The following TUSC3 variants were observed in gnomAD, a reference collection of about 807,000 sequenced individuals.
TUSC3 encodes dolichyl-diphosphooligosaccharide--protein glycosyltransferase subunit TUSC3.
TUSC3 carries 45 observed loss-of-function variants against 44.8 expected under a neutral mutation model. The observed-to-expected ratio is 1.00, with a 90% CI of 0.79 to 1.29. The LOEUF (loss-of-function observed/expected upper bound fraction) is 1.29, where lower values mean the gene tolerates loss of function less well. TUSC3 is among the 50% of genes most tolerant of loss of function. TUSC3 has a pLI of 0.00. For missense variants in TUSC3, 519 were observed against 437.9 expected, an observed-to-expected ratio of 1.19 and a Z score of -1.65; for synonymous variants, 212 against 152.9, an observed-to-expected ratio of 1.39 and a Z score of -2.85.
intron 1 of TUSC3, among the ~76,000 whole-genome samples, chr8:15,554,704 A>G (rs1168734054): frequency 6.9e-6 from 1 of 145,820 alleles, no homozygotes; most frequent in African/African-American, 2.5e-5. Flanking sequence ...CCAGGTTCAC[A>G]CCATTCTCCT....
chr8:15,790,249 G>C, the TUSC3 span, among the ~76,000 whole-genome samples: 1 of 140,360 alleles, frequency 7.1e-6, no homozygotes. Context: ...GCAGTGGCGT[G>C]ATTTTGGCTC....
rs76847697 is a variant in TUSC3, at chr8:15,640,326, G to T, written c.309-10371G>T. Among the ~76,000 whole-genome samples, 869 of 152,290 alleles carry T rather than the reference G, an allele frequency of 5.7e-3. 9 individuals carry two copies. Among genetic ancestry groups the T allele is most frequent in the African/African-American group, 0.02 (811 of 41,560 alleles). Reference sequence around the variant, plus strand: ...TTGGAAACTTATCTGGTTCACTTCAGACTGCACCGTGTGCCTTTTCCCTCT... The same window carrying T: ...TTGGAAACTTATCTGGTTCACTTCATACTGCACCGTGTGCCTTTTCCCTCT... On this transcript the variant is annotated intron_variant, in intron 2 of 10. Coordinates refer to ENST00000503731, the MANE Select transcript of TUSC3 (RefSeq NM_006765.4).
the TUSC3 span, among the ~76,000 whole-genome samples, chr8:15,788,276 T>A: frequency 6.6e-6 from 1 of 151,832 alleles, no homozygotes; most frequent in African/African-American, 2.4e-5. Context: ...TATTTAAGAG[T>A]TAAATTTTAT....
rs1800520673 is a variant in TUSC3 at position 15,473,271 on chromosome 8, A to G, written n.92-10115A>G. Among the ~76,000 whole-genome samples the G allele has an allele frequency of 4.6e-5, 7 of 152,340 alleles. No homozygotes were observed. In the South Asian group the frequency reaches 1.4e-3, roughly 32 times the overall value. On this transcript the variant is annotated intron_variant and non_coding_transcript_variant, in intron 1 of 5. Coordinates refer to the TUSC3 transcript ENST00000503191. ...TGGTAAATAATTAAAGTATTATATG[A>G]TTATTATAAGGGGTACAACCTTGTG...
intron 9 of TUSC3, among the ~76,000 whole-genome samples, chr8:15,754,873 G>T (rs1292101819): frequency 6.6e-6 from 1 of 151,792 alleles, no homozygotes; most frequent in African/African-American, 2.4e-5. Flanking sequence ...AAGTGATCCT[G>T]TTCGGCTTAT....
intron 2 of TUSC3, among the ~76,000 whole-genome samples, chr8:15,627,516 A>G (rs562296312): frequency 3.3e-5 from 5 of 152,356 alleles, no homozygotes; most frequent in African/African-American, 1.2e-4. Context: ...GGGCTGGAAC[A>G]TGCCCCTCGC....
At chr8:15,471,611 C>T (rs920917010) in intron 1 of TUSC3, among the ~76,000 whole-genome samples, 1 of 149,646 alleles carries the variant, frequency 6.7e-6, no homozygotes, top group Middle Eastern at 3.3e-3. Flanking sequence ...AATTTCTTTC[C>T]AGTTCTGATT....
At position 15,735,870 on chromosome 8, in the gene TUSC3, G is replaced by GA. The variant is rs1191188594; in HGVS notation, c.862+5141_862+5142insA. ...GCACGCTGCCACACCCGGCTAATGG[G>GA]TTTTTTTTTTTTGTTTTTTTGGTTT... On this transcript the variant is annotated intron_variant, in intron 7 of 10. Transcript: ENST00000503731. Among the ~76,000 whole-genome samples the GA allele has an allele frequency of 5.9e-3, 236 of 40,232 alleles. 2 individuals carry two copies. Among genetic ancestry groups the GA allele is most frequent in the Non-Finnish European group, 0.012 (191 of 15,632 alleles). 26.4% of individuals were successfully genotyped at this position (40,232 alleles called of 152,430 possible).
At chr8:15,823,382 C>T in the TUSC3 span, among the ~76,000 whole-genome samples, 1 of 152,290 alleles carries the variant, frequency 6.6e-6, no homozygotes, top group Non-Finnish European at 1.5e-5. Context: ...TCAAAACTCA[C>T]ACTCATCTTT....
At chr8:15,762,680 G>C (rs1044574843) in intron 10 of TUSC3, among the ~76,000 whole-genome samples, 1 of 152,060 alleles carries the variant, frequency 6.6e-6, no homozygotes, top group African/African-American at 2.4e-5. Flanking sequence ...TTATGATTAA[G>C]GTTTCTTTTT....
At chr8:15,471,089 C>T (rs1433977360) in intron 1 of TUSC3, among the ~76,000 whole-genome samples, 1 of 151,492 alleles carries the variant, frequency 6.6e-6, no homozygotes. Context: ...TTGTAATTAC[C>T]TGTTTACTAA....
chr8:15,449,555 G>T (rs907351312), intron 1 of TUSC3, among the ~76,000 whole-genome samples: 5 of 152,098 alleles, frequency 3.3e-5, no homozygotes, highest in Admixed American at 6.5e-5. Context: ...GAGGACTTTT[G>T]AAACTGCTGG....
Position 15,475,862 on chromosome 8 carries a change from T to TAGATTA in TUSC3, n.92-7519_92-7518insAAGATT, listed in dbSNP as rs561364967. Among the ~76,000 whole-genome samples, 27 of 152,284 alleles carry TAGATTA rather than the reference T, an allele frequency of 1.8e-4. No individual in the cohort carries two copies. The East Asian group carries it at 2.7e-3, about 15-fold the overall frequency. ...AGTTGCACTAATTCTCTTCCTCTGA[T>TAGATTA]AGATTTAAGTGATTCCAGAATATAT... On this transcript the variant is annotated intron_variant and non_coding_transcript_variant, in intron 1 of 5. Coordinates refer to the TUSC3 transcript ENST00000503191.
intron 1 of TUSC3, among the ~76,000 whole-genome samples, chr8:15,618,430 A>T (rs191261029): frequency 7.9e-5 from 12 of 152,078 alleles, no homozygotes; most frequent in Non-Finnish European, 1.6e-4. Flanking sequence ...AGAAGTTTTT[A>T]TACTTTATTG....
chr8:15,443,524 A>T (rs1386147818), intron 1 of TUSC3, among the ~76,000 whole-genome samples: 1 of 152,046 alleles, frequency 6.6e-6, no homozygotes, highest in Non-Finnish European at 1.5e-5. Context: ...AGTGAAAGAG[A>T]TCTAAATTAA....
At chr8:15,782,886 GT>G in the TUSC3 span, among the ~76,000 whole-genome samples, 1 of 152,122 alleles carries the variant, frequency 6.6e-6, no homozygotes, top group African/African-American at 2.4e-5. Flanking sequence ...AGAGTAATGA[GT>G]CAAAATAAAC....
chr8:15,768,719 A>G (rs1266179470), downstream of TUSC3, among the ~76,000 whole-genome samples: 1 of 152,204 alleles, frequency 6.6e-6, no homozygotes, highest in East Asian at 1.9e-4. Context: ...AATCCCCTTA[A>G]GCTGATAAGC....
chr8:15,438,988 C>T (rs576696025), intron 1 of TUSC3, among the ~76,000 whole-genome samples: 6 of 152,208 alleles, frequency 3.9e-5, no homozygotes, highest in African/African-American at 1.2e-4. Flanking sequence ...GTTACTCAGG[C>T]GTTGGTCGAG....
At chr8:15,851,342 G>C in the TUSC3 span, among the ~76,000 whole-genome samples, 1 of 152,062 alleles carries the variant, frequency 6.6e-6, no homozygotes, top group Admixed American at 6.5e-5. Flanking sequence ...ACATTCTAGA[G>C]AAAAAGGGAC....
Sources: allele counts gnomAD v4.1 joint callset (sites outside exome capture counted in the v4.1 genomes callset), GRCh38; gene constraint gnomAD v4.1.1; transcripts MANE v1.5; gene names NCBI Gene and HGNC (gene_info 2026-07-23, HGNC 2026-07-21).